The following YARS1 variants were observed in gnomAD, a reference collection of about 807,000 sequenced individuals.
YARS1 encodes tyrosyl-tRNA synthetase 1, also known as tyrosine--tRNA ligase, cytoplasmic.
In YARS1, 36 loss-of-function variants were observed where a neutral mutation model predicts 62.2. The ratio of observed to expected loss-of-function variants is 0.58; its 90% CI spans 0.44 to 0.76. The LOEUF (loss-of-function observed/expected upper bound fraction) is 0.76, where lower values mean the gene tolerates loss of function less well. Among genes scored for constraint, YARS1 ranks in the 30% least tolerant of loss-of-function variants. YARS1 has a pLI of 0.00. For missense variants in YARS1, 524 were observed against 639.8 expected, an observed-to-expected ratio of 0.82 and a Z score of 1.95; for synonymous variants, 234 against 244.9, an observed-to-expected ratio of 0.96 and a Z score of 0.42.
rs138350698 is a variant in YARS1, at chr1:32,782,570, A to T, written c.907-31T>A. Reference sequence around the variant, plus strand: ...GAATCGAACAAGACCTAGTGAGATAAAGTCTAGAACAGGGCACAGGACACC... The same window carrying T: ...GAATCGAACAAGACCTAGTGAGATATAGTCTAGAACAGGGCACAGGACACC... On this transcript the variant is annotated intron_variant, in intron 8 of 12. Coordinates refer to ENST00000373477, the MANE Select transcript of YARS1 (RefSeq NM_003680.4). 1,459 of 1,614,076 alleles carry T rather than the reference A, an allele frequency of 9.0e-4. 13 individuals are homozygous for T. In the African/African-American group the frequency reaches 0.016, roughly 18 times the overall value.
chr1:32,790,844 A>G (rs745716388), intron 6 of YARS1: 14 of 338,914 alleles, frequency 4.1e-5, no homozygotes, highest in African/African-American at 6.4e-5. Context: ...CCTAGGAATC[A>G]AAATGCTAAT....
chr1:32,806,424 G>C, intron 4 of YARS1, 58 bp downstream of exon 4: 3 of 1,612,194 alleles, frequency 1.9e-6, no homozygotes, highest in Non-Finnish European at 2.5e-6. Context: ...AATAAGATAT[G>C]CCTGTCATCA....
rs531877008 is a variant in YARS1, at chr1:32,809,575, G to A, written c.380+1016C>T. On this transcript the variant is annotated intron_variant, in intron 3 of 12. Transcript: ENST00000373477. ...AAAGCCCTAATTGTATCAACAGTGA[G>A]GAATGGTAAAGAAAATTATATTAGA... Among the ~76,000 whole-genome samples, 10 of 152,062 alleles carry A rather than the reference G, an allele frequency of 6.6e-5. No individual in the cohort carries two copies. In the South Asian group the frequency reaches 2.1e-3, roughly 32 times the overall value.
chr1:32,781,564 A>C (rs1285302813), intron 9 of YARS1: 1 of 174,924 alleles, frequency 5.7e-6, no homozygotes, highest in African/African-American at 2.4e-5. Flanking sequence ...TTTAGAAAAA[A>C]AAAAAAAAAA....
intron 6 of YARS1, 33 bp from the exon 7 acceptor site, chr1:32,787,108 T>G: frequency 6.2e-7 from 1 of 1,613,606 alleles, no homozygotes; most frequent in Non-Finnish European, 8.5e-7. Flanking sequence ...GGACCTCTTG[T>G]GGTTGAAAAT....
intron 12 of YARS1, among the ~76,000 whole-genome samples, chr1:32,778,089 T>C (rs930768604): frequency 1.3e-5 from 2 of 152,172 alleles, no homozygotes; most frequent in African/African-American, 4.8e-5. Context: ...TGACTCTCAG[T>C]GTCCTCCAGA....
chr1:32,810,361 C>T (rs891693797), intron 3 of YARS1, among the ~76,000 whole-genome samples: 3 of 152,134 alleles, frequency 2.0e-5, no homozygotes, highest in Non-Finnish European at 2.9e-5. Flanking sequence ...GTTTTGGTTA[C>T]GTTTATATTT....
chr1:32,814,791 T>C (rs1194500787), intron 1 of YARS1, among the ~76,000 whole-genome samples: 1 of 152,254 alleles, frequency 6.6e-6, no homozygotes, highest in East Asian at 1.9e-4. Flanking sequence ...ATGATTTCTT[T>C]TTGTCCTATG....
At chr1:32,777,680 G>T (rs1652912965) in intron 12 of YARS1, among the ~76,000 whole-genome samples, 1 of 152,112 alleles carries the variant, frequency 6.6e-6, no homozygotes, top group South Asian at 2.1e-4. Flanking sequence ...TAATTCCAGT[G>T]CTTTGCAAGG....
chr1:32,783,634 T>G (rs1653129689), intron 8 of YARS1: 1 of 152,216 alleles, frequency 6.6e-6, no homozygotes, highest in Non-Finnish European at 1.5e-5. Flanking sequence ...ATCTCAAATC[T>G]GGTCTGAAAG....
chr1:32,802,841 C>T (rs1441870527), intron 4 of YARS1, among the ~76,000 whole-genome samples: 1 of 152,128 alleles, frequency 6.6e-6, no homozygotes, highest in African/African-American at 2.4e-5. Flanking sequence ...GAGATGGAGT[C>T]TCACTCTGTT....
chr1:32,789,835 C>T (rs948404588), intron 6 of YARS1, among the ~76,000 whole-genome samples: 12 of 146,224 alleles, frequency 8.2e-5, no homozygotes, highest in African/African-American at 2.8e-4. Flanking sequence ...GGTGATCCAC[C>T]CGCCTTGGCC....
intron 6 of YARS1, 71 bp downstream of exon 6, chr1:32,791,091 G>T: frequency 7.2e-7 from 1 of 1,385,968 alleles, no homozygotes; most frequent in Non-Finnish European, 1.0e-6. Flanking sequence ...CCAGGTCACT[G>T]TTCTTTTCAG....
intron 1 of YARS1, among the ~76,000 whole-genome samples, chr1:32,813,581 A>G (rs1336238317): frequency 6.6e-6 from 1 of 152,132 alleles, no homozygotes; most frequent in Non-Finnish European, 1.5e-5. Flanking sequence ...CAGCCTCCCA[A>G]AGGGCTGGGA....
chr1:32,780,372 T>C, intron 10 of YARS1, 94 bp from the exon 11 acceptor site: 1 of 1,456,878 alleles, frequency 6.9e-7, no homozygotes, highest in Admixed American at 1.7e-5. Flanking sequence ...CATCCACTCC[T>C]TACAGAGGCC....
intron 6 of YARS1, among the ~76,000 whole-genome samples, chr1:32,787,681 G>A (rs1453451680): frequency 6.6e-6 from 1 of 151,772 alleles, no homozygotes; most frequent in Non-Finnish European, 1.5e-5. Flanking sequence ...AGCTAATTTT[G>A]TTTTTGTATT....
chr1:32,815,565 A>G (rs1638692284), intron 1 of YARS1, among the ~76,000 whole-genome samples: 1 of 152,258 alleles, frequency 6.6e-6, no homozygotes, highest in Non-Finnish European at 1.5e-5. Context: ...ATGTATATCC[A>G]TACAACAGAG....
Position 32,799,329 on chromosome 1 carries a change from A to G in YARS1, c.511-1486T>C, listed in dbSNP as rs559693475. ...AGGGTGCCTAGTGTTATCTTGGCCA[A>G]TGAAAGGTTTTAAGGAGAGGAGAAA... On this transcript the variant is annotated intron_variant, in intron 4 of 12. Coordinates refer to ENST00000373477, the MANE Select transcript of YARS1 (RefSeq NM_003680.4). 2.6e-5 allele frequency among the ~76,000 whole-genome samples: 4 copies of G among 152,284 alleles called. No homozygotes were observed. The East Asian group carries it at 7.7e-4, about 29-fold the overall frequency.
intron 10 of YARS1, chr1:32,780,599 G>C (rs1239603681): frequency 2.2e-6 from 1 of 449,972 alleles, no homozygotes; most frequent in African/African-American, 2.0e-5. Flanking sequence ...TACACAGTGA[G>C]AAGCAAATCC....
Sources: allele counts gnomAD v4.1 joint callset (sites outside exome capture counted in the v4.1 genomes callset), GRCh38; gene constraint gnomAD v4.1.1; transcripts MANE v1.5; gene names NCBI Gene and HGNC (gene_info 2026-07-23, HGNC 2026-07-21).